CCDC82: variants seen among roughly 807,000 people sequenced by gnomAD.
CCDC82 encodes the protein coiled-coil domain-containing protein 82.
In CCDC82, 47 loss-of-function variants were observed where a neutral mutation model predicts 60.6. That is an observed-to-expected ratio of 0.77 (90% CI 0.61 to 0.99). CCDC82 has a LOEUF of 0.99. Ranked by LOEUF, CCDC82 falls within the 50% of genes least tolerant of loss-of-function variation. CCDC82 has a pLI of 0.00. For synonymous variants in CCDC82, 212 were observed against 207.4 expected, an observed-to-expected ratio of 1.02 and a Z score of -0.19; for missense variants, 588 against 633.0, an observed-to-expected ratio of 0.93 and a Z score of 0.76.
chr11:96,372,055 C>T (rs942040982), intron 6 of CCDC82, among the ~76,000 whole-genome samples: 2 of 152,136 alleles, frequency 1.3e-5, no homozygotes, highest in African/African-American at 4.8e-5. Flanking sequence ...CCTCAGCCTA[C>T]TCCTCTGAGC....
At chr11:96,362,018 A>C (rs1047488149) in intron 8 of CCDC82, among the ~76,000 whole-genome samples, 1 of 152,238 alleles carries the variant, frequency 6.6e-6, no homozygotes, top group South Asian at 2.1e-4. Flanking sequence ...TTCAGTTATC[A>C]GTATGAACCA....
At chr11:96,366,277 G>A (rs551767673) in intron 7 of CCDC82, among the ~76,000 whole-genome samples, 69 of 152,110 alleles carry the variant, frequency 4.5e-4, no homozygotes, top group South Asian at 1.2e-3. Context: ...TTTTATTGTT[G>A]GTTTATTTTG....
chr11:96,358,346 G>T (rs539573643), intron 9 of CCDC82: 140 of 1,212,720 alleles, frequency 1.2e-4, no homozygotes, highest in Non-Finnish European at 1.4e-4. Flanking sequence ...ACCAGAGCTT[G>T]TAAGCTGCCA....
chr11:96,355,241 T>A (rs1259107030), intron 9 of CCDC82: 1 of 152,158 alleles, frequency 6.6e-6, no homozygotes, highest in Non-Finnish European at 1.5e-5. Context: ...AAAATTATTT[T>A]AAGAGACAGG....
chr11:96,358,622 A>G (rs1276207906), intron 9 of CCDC82: 8 of 1,242,644 alleles, frequency 6.4e-6, no homozygotes, highest in Non-Finnish European at 8.0e-6. Context: ...GAACTGTTCT[A>G]AAGAATAGGA....
intron 5 of CCDC82, among the ~76,000 whole-genome samples, chr11:96,375,772 T>C (rs1189209863): frequency 6.6e-6 from 1 of 152,246 alleles, no homozygotes; most frequent in African/African-American, 2.4e-5. Context: ...ATTTGATATA[T>C]GTCACAACAC....
In CCDC82 at chr11:96,384,844, T is replaced by C. The variant is rs897037903; in HGVS notation, c.-14-83A>G. On this transcript the variant is annotated intron_variant, in intron 3 of 9. Coordinates refer to ENST00000646818, the MANE Select transcript of CCDC82 (RefSeq NM_024725.4). ...CATTTATGGTATAAATTATATTTAT[T>C]TGGCTTTATTTAATGGTCCACAAAC... 40 of 858,032 alleles carry C rather than the reference T, an allele frequency of 4.7e-5. No individual in the cohort carries two copies. The Admixed American group carries it at 1.1e-3, about 23-fold the overall frequency. 53.2% of individuals were successfully genotyped at this position (858,032 alleles called of 1,614,324 possible). A position where few individuals can be genotyped will look rare whatever the true frequency, so the allele number is the denominator to read the frequency against.
chr11:96,357,755 A>G (rs1342427243), intron 9 of CCDC82: 10 of 985,446 alleles, frequency 1.0e-5, no homozygotes, highest in Middle Eastern at 5.2e-4. Context: ...AAAAGCACTT[A>G]AGAATTTAAT....
intron 5 of CCDC82, chr11:96,381,608 C>A (rs936910522): frequency 2.6e-5 from 4 of 151,688 alleles, no homozygotes; most frequent in African/African-American, 9.6e-5. Flanking sequence ...TTATAGGAAT[C>A]ATAATAATAA....
chr11:96,357,412 A>G (rs959561697), intron 9 of CCDC82: 1 of 985,240 alleles, frequency 1.0e-6, no homozygotes, highest in Admixed American at 6.1e-5. Flanking sequence ...TATGTATAAC[A>G]TGACACTTGG....
intron 1 of CCDC82, chr11:96,388,394 G>C (rs1385632488): frequency 6.6e-6 from 1 of 152,152 alleles, no homozygotes; most frequent in Non-Finnish European, 1.5e-5. Context: ...TTTAAGCAAA[G>C]AGAAAAACAG....
intron 8 of CCDC82, 46 bp downstream of exon 8, chr11:96,364,934 A>C (rs964280564): frequency 1.3e-6 from 2 of 1,514,638 alleles, no homozygotes; most frequent in African/African-American, 2.9e-5. Flanking sequence ...TTTATGAAAT[A>C]AAAATTTCTA....
intron 9 of CCDC82, chr11:96,358,666 C>CAAAAA: frequency 9.2e-7 from 1 of 1,084,712 alleles, no homozygotes; most frequent in Non-Finnish European, 1.2e-6. Flanking sequence ...TATACTCTGT[C>CAAAAA]AAAAAAAAAA....
intron 5 of CCDC82, among the ~76,000 whole-genome samples, chr11:96,378,775 ACTG>A (rs1185432610): frequency 1.3e-5 from 2 of 151,982 alleles, no homozygotes; most frequent in Admixed American, 6.6e-5. Context: ...GCAATGGACC[ACTG>A]CTATTTTGTC....
rs749574249 is a variant in CCDC82 at position 96,383,479 on chromosome 11, T to A, written c.787-6A>T. 2.6e-6 allele frequency: 4 copies of A among 1,536,866 alleles called. No individual in the cohort carries two copies. The highest frequency in any genetic ancestry group is 3.5e-6 in the Non-Finnish European group (4 of 1,127,458). On this transcript the variant is annotated splice_polypyrimidine_tract_variant and splice_region_variant and intron_variant, in intron 4 of 9. Transcript: ENST00000646818. ...CAAGATTCCTTTTCAGAGTCCTAATTAAATTAAAATAAATGCTTCAGTAAA... is the reference window on the plus strand; with the variant it reads ...CAAGATTCCTTTTCAGAGTCCTAATAAAATTAAAATAAATGCTTCAGTAAA...
chr11:96,366,440 C>T (rs1864952467), intron 7 of CCDC82, among the ~76,000 whole-genome samples: 1 of 152,154 alleles, frequency 6.6e-6, no homozygotes, highest in African/African-American at 2.4e-5. Context: ...TCAGTATCAC[C>T]CACCACAATA....
intron 6 of CCDC82, among the ~76,000 whole-genome samples, chr11:96,371,418 T>G (rs907207283): frequency 2.6e-5 from 4 of 151,972 alleles, no homozygotes; most frequent in African/African-American, 9.7e-5. Context: ...CCATCTCTAC[T>G]AAAAATACAA....
intron 4 of CCDC82, 52 bp from the exon 5 acceptor site, chr11:96,383,525 G>A (rs1346639480): frequency 1.7e-6 from 2 of 1,150,148 alleles, no homozygotes; most frequent in Non-Finnish European, 2.5e-6. Flanking sequence ...AAAACGGTAA[G>A]CATCGATATA....
intron 8 of CCDC82, among the ~76,000 whole-genome samples, chr11:96,362,426 G>GT (rs1050277866): frequency 2.6e-5 from 4 of 151,970 alleles, no homozygotes; most frequent in African/African-American, 4.8e-5. Context: ...CCCTTGTTTG[G>GT]TTTTTTGTTT....
Sources: allele counts gnomAD v4.1 joint callset (sites outside exome capture counted in the v4.1 genomes callset), GRCh38; gene constraint gnomAD v4.1.1; transcripts MANE v1.5; gene names NCBI Gene and HGNC (gene_info 2026-07-23, HGNC 2026-07-21).